EPHA6: variants seen among roughly 807,000 people sequenced by gnomAD.
EPHA6 encodes the protein EPH receptor A6, also known as ephrin type-A receptor 6.
Under a neutral mutation model 112.0 loss-of-function variants are expected in EPHA6, and 50 were observed. The observed-to-expected ratio is 0.45, with a 90% CI of 0.36 to 0.56. The LOEUF (loss-of-function observed/expected upper bound fraction) is 0.56. Ranked by LOEUF, EPHA6 falls within the 20% of genes least tolerant of loss-of-function variation. The pLI is 0.00. For synonymous variants in EPHA6, 529 were observed against 490.7 expected (o/e 1.08, Z -1.03); for missense variants, 1,280 against 1,417.4 (o/e 0.90, Z 1.56).
chr3:97,420,360 G>T (rs1204365296), intron 6 of EPHA6, among the ~76,000 whole-genome samples: 1 of 151,206 alleles, frequency 6.6e-6, no homozygotes, highest in Non-Finnish European at 1.5e-5. Flanking sequence ...GAAGAAAAAT[G>T]AAGATATAGT....
At position 97,757,909 on chromosome 3, in the gene EPHA6, A is replaced by G. The variant is rs2036065196; in HGVS notation, c.*9208A>G. ...CTCAAATAAGTTGAAACCAAGTGTC[A>G]TAGCACAGTGGCTAGAAGTTATTCT... On this transcript the variant is annotated 3_prime_UTR_variant, in exon 18 of 18. Coordinates refer to ENST00000389672, the MANE Select transcript of EPHA6 (RefSeq NM_001080448.3). Among the ~76,000 whole-genome samples, 1 of 151,894 alleles carries G rather than the reference A, an allele frequency of 6.6e-6. No individual in the cohort carries two copies. Among genetic ancestry groups the G allele is most frequent in the African/African-American group, 2.4e-5 (1 of 41,430 alleles).
At chr3:97,058,287 GT>G (rs1010464614) in intron 3 of EPHA6, among the ~76,000 whole-genome samples, 3 of 149,082 alleles carry the variant, frequency 2.0e-5, no homozygotes, top group Non-Finnish European at 4.5e-5. Flanking sequence ...AGAGTAAGGA[GT>G]TTTTTTTTTG....
intron 1 of EPHA6, among the ~76,000 whole-genome samples, chr3:96,837,781 C>G (rs990754194): frequency 6.6e-6 from 1 of 151,946 alleles, no homozygotes; most frequent in African/African-American, 2.4e-5. Flanking sequence ...GGCAGTATTT[C>G]ATCTTTTTAT....
intron 2 of EPHA6, among the ~76,000 whole-genome samples, chr3:96,978,372 T>C (rs1166999622): frequency 2.0e-5 from 3 of 152,086 alleles, no homozygotes; most frequent in African/African-American, 7.2e-5. Flanking sequence ...TAAACCTGTG[T>C]TCAGGTTTCA....
chr3:97,436,432 A>G (rs1316751567), intron 6 of EPHA6, among the ~76,000 whole-genome samples: 4 of 152,174 alleles, frequency 2.6e-5, no homozygotes, highest in African/African-American at 9.6e-5. Context: ...CGGTGACAAA[A>G]TACATTTAAA....
At chr3:97,521,563 A>G (rs2092543278) in intron 10 of EPHA6, among the ~76,000 whole-genome samples, 1 of 152,168 alleles carries the variant, frequency 6.6e-6, no homozygotes, top group South Asian at 2.1e-4. Flanking sequence ...AGAACATGAG[A>G]ACTTACTGTC....
intron 6 of EPHA6, among the ~76,000 whole-genome samples, chr3:97,406,053 A>G (rs551949055): frequency 1.3e-5 from 2 of 152,160 alleles, no homozygotes; most frequent in Non-Finnish European, 2.9e-5. Flanking sequence ...ATGTTAAATA[A>G]AAATTTTAAT....
At chr3:97,596,708 A>T (rs149857448) in intron 12 of EPHA6, among the ~76,000 whole-genome samples, 393 of 146,920 alleles carry the variant, frequency 2.7e-3, no homozygotes, top group Non-Finnish European at 3.8e-3. Context: ...ATTTTAGCTT[A>T]CTTTTTTGTC....
At chr3:97,679,703 C>CGG (rs1322233368) in intron 14 of EPHA6, among the ~76,000 whole-genome samples, 1 of 152,126 alleles carries the variant, frequency 6.6e-6, no homozygotes, top group Non-Finnish European at 1.5e-5. Context: ...GTGGCATGTA[C>CGG]ATAGCAGGAT....
rs747936940 is a variant in EPHA6 at position 97,532,384 on chromosome 3, C to T, written c.2227C>T (p.Arg743Cys). ...TGAATTTGGAGAAGTCTGTAGTGGG[C>T]GTTTGAAGACACCAGGGAAAAGAGA... The part of the protein sequence containing the change: ...AGEFGEVCSG[R>C]LKTPGKREIP... The change falls in exon 11 of 18, where the codon CGT becomes TGT. Residue 743 changes from arginine to cysteine, a missense_variant. Around this residue, in one of 4 missense-constraint regions of EPHA6, gnomAD observed 878 missense variants for 999.7 expected, o/e 0.88. Transcript: ENST00000389672. 8.1e-6 allele frequency: 13 copies of T among 1,611,224 alleles called. No homozygotes were observed. Among genetic ancestry groups the T allele is most frequent in the South Asian group, 1.1e-5 (1 of 90,824 alleles).
intron 3 of EPHA6, among the ~76,000 whole-genome samples, chr3:97,028,718 C>A (rs1156247422): frequency 6.6e-6 from 1 of 151,778 alleles, no homozygotes; most frequent in Non-Finnish European, 1.5e-5. Flanking sequence ...ATTTTAATAT[C>A]CTAATAAGAT....
intron 5 of EPHA6, among the ~76,000 whole-genome samples, chr3:97,246,745 G>A (rs1157203032): frequency 3.3e-5 from 5 of 151,674 alleles, no homozygotes; most frequent in Admixed American, 3.3e-4. Flanking sequence ...ATTATGACCA[G>A]CCTTAAATAT....
At chr3:97,358,848 T>A (rs1403052132) in intron 5 of EPHA6, among the ~76,000 whole-genome samples, 1 of 152,124 alleles carries the variant, frequency 6.6e-6, no homozygotes. Context: ...GATGACAGCT[T>A]GTTTTAGGAC....
chr3:97,525,708 T>C lies in EPHA6; in HGVS notation c.2201-6650T>C, dbSNP rs140665394. On this transcript the variant is annotated intron_variant, in intron 10 of 17. Transcript: ENST00000389672. The stretch of plus-strand genomic sequence containing the variant: ...CCTCTGGGCTCATGATTGAGTGGCA[T>C]TGGATGCAGGTCTTGTGCCTGATAC... Among the ~76,000 whole-genome samples the C allele has an allele frequency of 1.9e-4, 29 of 152,320 alleles. No homozygotes were observed. In the East Asian group the frequency reaches 5.2e-3, roughly 27 times the overall value.
intron 3 of EPHA6, among the ~76,000 whole-genome samples, chr3:97,015,150 T>C (rs915864034): frequency 6.6e-6 from 1 of 152,184 alleles, no homozygotes; most frequent in African/African-American, 2.4e-5. Flanking sequence ...AAATTGAAAT[T>C]AGGAGTAAAG....
chr3:97,093,900 C>T (rs996349452), intron 3 of EPHA6, among the ~76,000 whole-genome samples: 1 of 152,044 alleles, frequency 6.6e-6, no homozygotes, highest in Non-Finnish European at 1.5e-5. Context: ...TATCTAGGAC[C>T]TCTGTCAGGG....
At chr3:97,273,340 G>A (rs189296626) in intron 5 of EPHA6, among the ~76,000 whole-genome samples, 153 of 152,246 alleles carry the variant, frequency 1.0e-3, no homozygotes, top group African/African-American at 2.6e-3. Context: ...AGTATAAACC[G>A]GCAGTGTAAA....
At chr3:96,990,128 T>G (rs9866018) in intron 3 of EPHA6, among the ~76,000 whole-genome samples, 2,804 of 152,314 alleles carry the variant, frequency 0.018, 73 homozygotes, top group African/African-American at 0.052. Context: ...TTATTTAATC[T>G]AAGAATTTAT....
chr3:97,419,241 T>C (rs1577326181), intron 6 of EPHA6, among the ~76,000 whole-genome samples: 1 of 151,362 alleles, frequency 6.6e-6, no homozygotes, highest in African/African-American at 2.4e-5. Flanking sequence ...AGGTGGAAGT[T>C]GCGGTGAGCC....
Sources: allele counts gnomAD v4.1 joint callset (sites outside exome capture counted in the v4.1 genomes callset), GRCh38; gene constraint gnomAD v4.1.1; regional missense constraint gnomAD v4.1.1; transcripts MANE v1.5; gene names NCBI Gene and HGNC (gene_info 2026-07-23, HGNC 2026-07-21).